The following PLCXD3 variants were observed in gnomAD, a reference collection of about 807,000 sequenced individuals.
PLCXD3 encodes the protein phosphatidylinositol specific phospholipase C X domain containing 3, also known as PI-PLC X domain-containing protein 3.
In PLCXD3, 19 loss-of-function variants were observed where a neutral mutation model predicts 25.5. The observed-to-expected ratio is 0.75, with a 90% CI of 0.52 to 1.09. The LOEUF (loss-of-function observed/expected upper bound fraction) is 1.09. PLCXD3 is among the 50% of genes least tolerant of loss of function. PLCXD3 has a pLI of 0.00. For synonymous variants in PLCXD3, 174 were observed against 137.6 expected, an observed-to-expected ratio of 1.26 and a Z score of -1.85; for missense variants, 411 against 388.1, an observed-to-expected ratio of 1.06 and a Z score of -0.50.
intron 1 of PLCXD3, among the ~76,000 whole-genome samples, chr5:41,436,725 G>T (rs1388954694): frequency 6.6e-6 from 1 of 152,152 alleles, no homozygotes; most frequent in Non-Finnish European, 1.5e-5. Flanking sequence ...AGAGCTTGAA[G>T]AAATCAAAAA....
At chr5:41,410,195 A>G (rs539542904) in intron 1 of PLCXD3, among the ~76,000 whole-genome samples, 1 of 146,646 alleles carries the variant, frequency 6.8e-6, no homozygotes, top group African/African-American at 2.5e-5. Flanking sequence ...GCTGGAGTAC[A>G]GTGGCGTGAT....
At chr5:41,367,179 G>A (rs113590925) in intron 2 of PLCXD3, among the ~76,000 whole-genome samples, 3 of 152,014 alleles carry the variant, frequency 2.0e-5, no homozygotes, top group Non-Finnish European at 2.9e-5. Context: ...TGGGTCAAAT[G>A]GTATTTCTGG....
At chr5:41,443,048 A>C (rs1747417479) in intron 1 of PLCXD3, among the ~76,000 whole-genome samples, 1 of 148,768 alleles carries the variant, frequency 6.7e-6, no homozygotes, top group Admixed American at 6.8e-5. Flanking sequence ...GTATACATAT[A>C]TAATAATAAT....
intron 1 of PLCXD3, among the ~76,000 whole-genome samples, chr5:41,467,314 C>A (rs903438412): frequency 6.6e-6 from 1 of 152,152 alleles, no homozygotes; most frequent in African/African-American, 2.4e-5. Flanking sequence ...TGATGATGAG[C>A]ATTTTCTCAT....
intron 1 of PLCXD3, among the ~76,000 whole-genome samples, chr5:41,434,556 G>C (rs949125582): frequency 6.6e-6 from 1 of 152,156 alleles, no homozygotes; most frequent in Non-Finnish European, 1.5e-5. Context: ...ATTGGTATAG[G>C]AGCCCTGAAT....
At chr5:41,502,048 G>T (rs1748962480) in intron 1 of PLCXD3, among the ~76,000 whole-genome samples, 1 of 152,072 alleles carries the variant, frequency 6.6e-6, no homozygotes, top group South Asian at 2.1e-4. Flanking sequence ...ATATTTGTGT[G>T]CTGACTGGAA....
At chr5:41,361,887 G>A (rs923583831) in intron 2 of PLCXD3, among the ~76,000 whole-genome samples, 5 of 152,182 alleles carry the variant, frequency 3.3e-5, no homozygotes, top group Admixed American at 3.3e-4. Flanking sequence ...AATCATCAAA[G>A]CTCTCACAGA....
intron 1 of PLCXD3, chr5:41,475,561 T>C: frequency 1.9e-6 from 1 of 525,582 alleles, no homozygotes; most frequent in South Asian, 1.4e-5. Context: ...TATTTATCCC[T>C]ACTTATCTCT....
intron 1 of PLCXD3, among the ~76,000 whole-genome samples, chr5:41,492,366 C>T (rs1748721223): frequency 6.6e-6 from 1 of 152,122 alleles, no homozygotes; most frequent in Non-Finnish European, 1.5e-5. Flanking sequence ...CTGCCCTTAA[C>T]ATTTTTTCCT....
chr5:41,331,205 T>C (rs568430596), intron 2 of PLCXD3, among the ~76,000 whole-genome samples: 1 of 152,300 alleles, frequency 6.6e-6, no homozygotes, highest in East Asian at 1.9e-4. Flanking sequence ...CCCCATTGTC[T>C]CAGCCCAAAA....
chr5:41,400,232 G>GT (rs1160352194), intron 1 of PLCXD3, among the ~76,000 whole-genome samples: 1 of 152,146 alleles, frequency 6.6e-6, no homozygotes, highest in Non-Finnish European at 1.5e-5. Flanking sequence ...CTTACACACT[G>GT]TTGGTGGGAA....
chr5:41,371,507 C>G (rs1366455019), intron 2 of PLCXD3, among the ~76,000 whole-genome samples: 2 of 152,098 alleles, frequency 1.3e-5, no homozygotes, highest in Admixed American at 1.3e-4. Flanking sequence ...ATAGACTTGT[C>G]CTTGCTTTCT....
At chr5:41,462,729 GA>G (rs1747918010) in intron 1 of PLCXD3, among the ~76,000 whole-genome samples, 1 of 151,712 alleles carries the variant, frequency 6.6e-6, no homozygotes, top group African/African-American at 2.4e-5. Context: ...AGGTTGCAGT[GA>G]GCTGAGATCG....
intron 1 of PLCXD3, among the ~76,000 whole-genome samples, chr5:41,502,855 A>G (rs1748980659): frequency 6.6e-6 from 1 of 152,160 alleles, no homozygotes; most frequent in Non-Finnish European, 1.5e-5. Flanking sequence ...CTGGACCAAG[A>G]AATTTGGCTT....
intron 2 of PLCXD3, among the ~76,000 whole-genome samples, chr5:41,331,237 C>T (rs921822182): frequency 1.3e-5 from 2 of 152,102 alleles, no homozygotes; most frequent in Non-Finnish European, 2.9e-5. Context: ...TGATAAGCAA[C>T]TTCAGCAAAG....
chr5:41,417,136 T>A (rs1210579061), intron 1 of PLCXD3, among the ~76,000 whole-genome samples: 1 of 152,196 alleles, frequency 6.6e-6, no homozygotes, highest in African/African-American at 2.4e-5. Flanking sequence ...AGTGAAACAC[T>A]GAAATAGCAC....
At chr5:41,428,934 C>T (rs1318063780) in intron 1 of PLCXD3, among the ~76,000 whole-genome samples, 1 of 152,196 alleles carries the variant, frequency 6.6e-6, no homozygotes, top group Non-Finnish European at 1.5e-5. Context: ...CAAAGACTCC[C>T]TGAGTCCAGA....
intron 1 of PLCXD3, among the ~76,000 whole-genome samples, chr5:41,502,349 G>A (rs905257104): frequency 6.6e-6 from 1 of 152,124 alleles, no homozygotes; most frequent in Admixed American, 6.5e-5. Context: ...AGGTGGGAAA[G>A]AGTAATTAAT....
Position 41,345,683 on chromosome 5 carries a change from TACACACACACACACACACAC to T in PLCXD3, c.813-31933_813-31914del, listed in dbSNP as rs57657516. On this transcript the variant is annotated intron_variant, in intron 2 of 2. Transcript: ENST00000377801. Reference sequence around the variant, plus strand: ...CTCCAAATTTATACATACATATGTGTACACACACACACACACACACACACACACACACACACATTCAGGTC... The same window carrying T: ...CTCCAAATTTATACATACATATGTGTACACACACACACACACATTCAGGTC... Among the ~76,000 whole-genome samples the T allele has an allele frequency of 2.9e-4, 42 of 146,034 alleles. 1 individual carries two copies. Among genetic ancestry groups the T allele is most frequent in the Non-Finnish European group, 5.3e-4 (35 of 65,950 alleles).
Sources: gnomAD v4.1 joint callset for allele counts (sites outside exome capture counted in the v4.1 genomes callset) on GRCh38, gnomAD v4.1.1 for gene constraint, MANE v1.5 for transcripts, NCBI Gene and HGNC (gene_info 2026-07-23, HGNC 2026-07-21) for gene names.